Variants in KLHL2 observed in about 807,000 individuals in gnomAD.
The protein encoded by KLHL2 is kelch-like protein 2.
Under a neutral mutation model 75.8 loss-of-function variants are expected in KLHL2, and 15 were observed. The observed-to-expected ratio is 0.20, with a 90% CI of 0.13 to 0.30. The LOEUF is 0.30. KLHL2 is among the 10% of genes least tolerant of loss of function. The pLI, the probability that KLHL2 is intolerant of heterozygous loss-of-function variation, is 1.00. For missense variants in KLHL2, 381 were observed against 741.0 expected (o/e 0.51, Z 5.64); for synonymous variants, 214 against 251.9 (o/e 0.85, Z 1.42).
chr4:165,251,619 T>TTG (rs1413852384), intron 4 of KLHL2, among the ~76,000 whole-genome samples: 1 of 149,588 alleles, frequency 6.7e-6, no homozygotes, highest in Admixed American at 6.6e-5. Context: ...TTTTTTGTTT[T>TTG]TTTTTTTTGA....
At chr4:165,243,103 C>G (rs10000653) in intron 4 of KLHL2, among the ~76,000 whole-genome samples, 159 of 147,442 alleles carry the variant, frequency 1.1e-3, no homozygotes, top group African/African-American at 4.1e-3. Flanking sequence ...GTCTTTATAA[C>G]TGAAAATTTT....
intron 2 of KLHL2, among the ~76,000 whole-genome samples, chr4:165,220,762 G>A (rs1737919586): frequency 6.6e-6 from 1 of 152,176 alleles, no homozygotes; most frequent in Admixed American, 6.5e-5. Flanking sequence ...TGTTTTGTGG[G>A]AGTGGTGGTA....
intron 5 of KLHL2, among the ~76,000 whole-genome samples, chr4:165,284,458 C>T (rs1403790045): frequency 6.6e-6 from 1 of 152,316 alleles, no homozygotes; most frequent in East Asian, 1.9e-4. Flanking sequence ...TTTGCTAAAA[C>T]ATAACAAGAG....
At chr4:165,303,891 T>G (rs1003297555) in intron 8 of KLHL2, among the ~76,000 whole-genome samples, 1 of 151,568 alleles carries the variant, frequency 6.6e-6, no homozygotes, top group Admixed American at 6.6e-5. Context: ...TTTGTTTGTT[T>G]GTGAGACAGA....
intron 5 of KLHL2, among the ~76,000 whole-genome samples, chr4:165,274,446 A>G (rs1301592657): frequency 1.3e-5 from 2 of 152,102 alleles, no homozygotes; most frequent in East Asian, 1.9e-4. Context: ...TGTCTCTACT[A>G]AAAATACAAA....
chr4:165,231,801 TG>T (rs1301249357), intron 3 of KLHL2, among the ~76,000 whole-genome samples: 4 of 152,248 alleles, frequency 2.6e-5, no homozygotes, highest in Non-Finnish European at 5.9e-5. Flanking sequence ...CCGGGTCACA[TG>T]GTAAATTTAT....
chr4:165,233,360 T>G (rs1351574548), intron 3 of KLHL2, among the ~76,000 whole-genome samples: 1 of 152,258 alleles, frequency 6.6e-6, no homozygotes, highest in African/African-American at 2.4e-5. Context: ...GCTGTTTGCT[T>G]AACACATACT....
rs143551684 is a variant in KLHL2 at position 165,296,124 on chromosome 4, G to A, written c.655-1485G>A. The stretch of plus-strand genomic sequence containing the variant: ...CACAGTGTCTGAGACCTCGGCTAAG[G>A]TGACCCAGATGCCTGGAGATACCTG... On this transcript the variant is annotated intron_variant, in intron 6 of 14. Coordinates refer to ENST00000226725, the MANE Select transcript of KLHL2 (RefSeq NM_007246.4). Among the ~76,000 whole-genome samples, 797 of 152,322 alleles carry A rather than the reference G, an allele frequency of 5.2e-3. 2 individuals carry two copies. The highest frequency in any genetic ancestry group is 9.1e-3 in the Non-Finnish European group (617 of 68,020).
chr4:165,228,371 AT>A (rs113698961), intron 2 of KLHL2, among the ~76,000 whole-genome samples: 301 of 143,606 alleles, frequency 2.1e-3, no homozygotes, highest in Middle Eastern at 3.6e-3. Flanking sequence ...GTCTTTTAAG[AT>A]TTTTTTTTTT....
chr4:165,305,915 C>T (rs974566314), intron 9 of KLHL2, among the ~76,000 whole-genome samples, 190 bp downstream of exon 9: 2 of 152,210 alleles, frequency 1.3e-5, no homozygotes, highest in African/African-American at 2.4e-5. Flanking sequence ...TCTGTCTCCA[C>T]CTTTACATAT....
At chr4:165,254,244 A>G (rs1740975271) in intron 4 of KLHL2, among the ~76,000 whole-genome samples, 1 of 152,236 alleles carries the variant, frequency 6.6e-6, no homozygotes, top group African/African-American at 2.4e-5. Flanking sequence ...TGTTTGTTAT[A>G]GCAAATACTT....
At position 165,314,055 on chromosome 4, in the gene KLHL2, G is replaced by A. The variant is rs1475645992; in HGVS notation, c.1498G>A (p.Ala500Thr). The A allele has an allele frequency of 1.2e-6, 2 of 1,613,644 alleles. No homozygotes were observed. Among genetic ancestry groups the A allele is most frequent in the Non-Finnish European group, 1.7e-6 (2 of 1,179,712 alleles). ...TGGTGTGTTAAACAATTTATTGTAT[G>A]CTGTAGGAGGTCATGATGGCCCTTT... ...GVGVLNNLLY[A>T]VGGHDGPLVR... The change falls in exon 13 of 15, where the codon GCT (alanine) becomes ACT (threonine). Residue 500 changes from alanine to threonine, a missense_variant. By Grantham distance (58) the Ala-to-Thr change is moderately conservative. This residue lies in a region of KLHL2 where 168 missense variants were observed against 370.4 expected (regional missense o/e 0.45). Transcript: ENST00000226725.
At chr4:165,310,855 GT>G (rs201298313) in intron 10 of KLHL2, 105 bp downstream of exon 10, 76,085 of 575,280 alleles carry the variant, frequency 0.13, 656 homozygotes, top group East Asian at 0.3. Context: ...GGTTTTTTGT[GT>G]TTTTTTTTTT....
intron 5 of KLHL2, among the ~76,000 whole-genome samples, chr4:165,287,783 A>T (rs992922044): frequency 6.6e-6 from 1 of 152,068 alleles, no homozygotes; most frequent in Non-Finnish European, 1.5e-5. Flanking sequence ...TCATCTATTC[A>T]TACGCTTATT....
chr4:165,226,691 G>T (rs1289813669), intron 2 of KLHL2, among the ~76,000 whole-genome samples: 3 of 151,626 alleles, frequency 2.0e-5, no homozygotes, highest in Non-Finnish European at 4.4e-5. Context: ...GCTATATATA[G>T]AACTTAAAAA....
intron 5 of KLHL2, among the ~76,000 whole-genome samples, chr4:165,281,320 T>TTTTTC (rs1261323275): frequency 2.6e-5 from 4 of 151,658 alleles, no homozygotes; most frequent in African/African-American, 9.7e-5. Flanking sequence ...TTTTTTTTTT[T>TTTTTC]TTCATTTTTT....
At chr4:165,273,760 A>T (rs1383009706) in intron 5 of KLHL2, among the ~76,000 whole-genome samples, 1 of 152,238 alleles carries the variant, frequency 6.6e-6, no homozygotes, top group African/African-American at 2.4e-5. Flanking sequence ...AGTCTTGCAT[A>T]TGTCTTTATC....
At chr4:165,267,924 G>A (rs1310577477) in intron 5 of KLHL2, among the ~76,000 whole-genome samples, 1 of 152,148 alleles carries the variant, frequency 6.6e-6, no homozygotes, top group African/African-American at 2.4e-5. Flanking sequence ...GAATTTGGCT[G>A]TGAATCCATC....
intron 9 of KLHL2, among the ~76,000 whole-genome samples, chr4:165,308,477 G>A (rs1051482287): frequency 7.9e-5 from 12 of 152,116 alleles, no homozygotes; most frequent in Admixed American, 4.6e-4. Context: ...TTAATAAACT[G>A]TGTAATTAAA....
Sources: allele counts gnomAD v4.1 joint callset (sites outside exome capture counted in the v4.1 genomes callset), GRCh38; gene constraint gnomAD v4.1.1; regional missense constraint gnomAD v4.1.1; transcripts MANE v1.5; gene names NCBI Gene and HGNC (gene_info 2026-07-23, HGNC 2026-07-21).